GALNT17: variants seen among roughly 807,000 people sequenced by gnomAD.
The protein encoded by GALNT17 is UDP-GalNAc:polypeptide N-acetylgalactosaminyltransferase-like 3.
In GALNT17, 29 loss-of-function variants were observed where a neutral mutation model predicts 63.7. The ratio of observed to expected loss-of-function variants is 0.46; its 90% CI spans 0.34 to 0.62. The LOEUF is 0.62. Among genes scored for constraint, GALNT17 ranks in the 20% least tolerant of loss-of-function variants. GALNT17 has a pLI of 0.01. For missense variants in GALNT17, 603 were observed against 799.6 expected, an observed-to-expected ratio of 0.75 and a Z score of 2.97; for synonymous variants, 305 against 318.3, an observed-to-expected ratio of 0.96 and a Z score of 0.45.
rs116211098 is a variant in GALNT17 at position 71,651,672 on chromosome 7, T to C, written c.1081-13739T>C. On this transcript the variant is annotated intron_variant, in intron 6 of 10. Coordinates refer to ENST00000333538, the MANE Select transcript of GALNT17 (RefSeq NM_022479.3). Reference sequence around the variant, plus strand: ...GTCACAAGCTATCTATCAGGCTGGGTCATAAGACTGGGATGGATTTTGTTT... The same window carrying C: ...GTCACAAGCTATCTATCAGGCTGGGCCATAAGACTGGGATGGATTTTGTTT... 5.4e-3 allele frequency among the ~76,000 whole-genome samples: 818 copies of C among 152,296 alleles called. 10 individuals carry two copies. The highest frequency in any genetic ancestry group is 0.018 in the African/African-American group (756 of 41,580).
At chr7:71,704,987 A>G (rs1269054478) in intron 9 of GALNT17, among the ~76,000 whole-genome samples, 1 of 152,202 alleles carries the variant, frequency 6.6e-6, no homozygotes, top group Non-Finnish European at 1.5e-5. Flanking sequence ...AAAACCACAA[A>G]TAACCAAAGA....
intron 1 of GALNT17, among the ~76,000 whole-genome samples, chr7:71,193,581 T>C (rs1788992803): frequency 6.6e-6 from 1 of 151,438 alleles, no homozygotes; most frequent in Non-Finnish European, 1.5e-5. Flanking sequence ...TCCTTCCTCC[T>C]TCAGAGCCTG....
chr7:71,250,169 G>T (rs1321342573), intron 1 of GALNT17, among the ~76,000 whole-genome samples: 1 of 152,052 alleles, frequency 6.6e-6, no homozygotes, highest in African/African-American at 2.4e-5. Context: ...CTCATTCATC[G>T]TTTAAATGTC....
intron 6 of GALNT17, among the ~76,000 whole-genome samples, chr7:71,574,420 G>C (rs540295018): frequency 5.3e-5 from 8 of 152,268 alleles, no homozygotes; most frequent in African/African-American, 1.4e-4. Context: ...TGTCACTCCA[G>C]AGTGCAATTA....
intron 8 of GALNT17, among the ~76,000 whole-genome samples, chr7:71,670,522 G>T (rs563173997): frequency 7.2e-5 from 11 of 152,224 alleles, no homozygotes; most frequent in Admixed American, 6.5e-4. Flanking sequence ...TTCTCAGATT[G>T]TCTATGGTGT....
chr7:71,247,556 A>G (rs1024646754), intron 1 of GALNT17, among the ~76,000 whole-genome samples: 2 of 152,172 alleles, frequency 1.3e-5, no homozygotes, highest in Admixed American at 1.3e-4. Context: ...TCCTGGGTTC[A>G]AGCTATTTTC....
intron 1 of GALNT17, among the ~76,000 whole-genome samples, chr7:71,157,099 G>C (rs1415027394): frequency 6.6e-6 from 1 of 151,786 alleles, no homozygotes; most frequent in Non-Finnish European, 1.5e-5. Context: ...TGGGACTACA[G>C]GTGTGAGCCA....
intron 5 of GALNT17, among the ~76,000 whole-genome samples, chr7:71,521,212 C>T (rs1584022315): frequency 6.6e-6 from 1 of 152,072 alleles, no homozygotes; most frequent in Admixed American, 6.5e-5. Flanking sequence ...GGCATGGATG[C>T]TCAGATAGAT....
At chr7:71,558,813 AT>A (rs756847291) in intron 5 of GALNT17, among the ~76,000 whole-genome samples, 4 of 152,208 alleles carry the variant, frequency 2.6e-5, no homozygotes, top group Non-Finnish European at 5.9e-5. Context: ...GGGAGTTTCG[AT>A]GTGGATCTTT....
At chr7:71,377,114 A>AAAAAAAAAAATAT in intron 2 of GALNT17, among the ~76,000 whole-genome samples, 1 of 57,466 alleles carries the variant, frequency 1.7e-5, no homozygotes, top group Non-Finnish European at 3.0e-5. Context: ...AAATAAAAAA[A>AAAAAAAAAAATAT]ATATATATAT....
intron 3 of GALNT17, among the ~76,000 whole-genome samples, chr7:71,397,043 A>T (rs1039385828): frequency 4.6e-5 from 7 of 152,112 alleles, no homozygotes; most frequent in African/African-American, 1.7e-4. Flanking sequence ...TATATAGAAT[A>T]TTGTGTTATC....
intron 7 of GALNT17, among the ~76,000 whole-genome samples, chr7:71,666,804 G>C (rs904754610): frequency 4.3e-5 from 4 of 92,818 alleles, no homozygotes; most frequent in Non-Finnish European, 6.1e-5. Flanking sequence ...TGCTTTATTT[G>C]TATTTTTTAT....
chr7:71,620,292 G>C (rs1423067807), intron 6 of GALNT17, among the ~76,000 whole-genome samples: 1 of 152,156 alleles, frequency 6.6e-6, no homozygotes, highest in Admixed American at 6.5e-5. Flanking sequence ...TCAGGCTGAT[G>C]CTGGTTTCAT....
At chr7:71,481,917 G>A (rs1300650805) in intron 5 of GALNT17, among the ~76,000 whole-genome samples, 1 of 152,096 alleles carries the variant, frequency 6.6e-6, no homozygotes, top group African/African-American at 2.4e-5. Context: ...TGTCTTCCCT[G>A]TGGACTGCAG....
At chr7:71,339,015 T>TC (rs1791961998) in intron 2 of GALNT17, among the ~76,000 whole-genome samples, 2 of 152,190 alleles carry the variant, frequency 1.3e-5, no homozygotes, top group South Asian at 4.1e-4. Context: ...AAAACATCTG[T>TC]CTGTTTTTAT....
At chr7:71,184,362 G>T (rs1047885010) in intron 1 of GALNT17, among the ~76,000 whole-genome samples, 19 of 148,152 alleles carry the variant, frequency 1.3e-4, no homozygotes, top group African/African-American at 5.0e-4. Context: ...TCGATGATTT[G>T]ATCTCTGCTA....
intron 2 of GALNT17, among the ~76,000 whole-genome samples, chr7:71,377,114 A>AAAAAT: frequency 0.012 from 700 of 57,386 alleles, 108 homozygotes; most frequent in Non-Finnish European, 0.016. Context: ...AAATAAAAAA[A>AAAAAT]ATATATATAT....
chr7:71,415,817 G>A (rs1400876031), intron 3 of GALNT17, 72 bp from the exon 4 acceptor site: 13 of 1,435,424 alleles, frequency 9.1e-6, no homozygotes, highest in Non-Finnish European at 1.2e-5. Context: ...AGATCTGTGG[G>A]CATTGCAGTG....
intron 5 of GALNT17, among the ~76,000 whole-genome samples, chr7:71,493,430 A>T (rs1046139232): frequency 1.3e-5 from 2 of 152,178 alleles, no homozygotes; most frequent in African/African-American, 2.4e-5. Context: ...AGACTGGGTA[A>T]TTTATAAAGA....
Sources: gnomAD v4.1 joint callset for allele counts (sites outside exome capture counted in the v4.1 genomes callset) on GRCh38, gnomAD v4.1.1 for gene constraint, MANE v1.5 for transcripts, NCBI Gene and HGNC (gene_info 2026-07-23, HGNC 2026-07-21) for gene names.